EYA2: variants seen among roughly 807,000 people sequenced by gnomAD.
EYA2 encodes the protein EYA transcriptional coactivator and phosphatase 2.
EYA2 carries 31 observed loss-of-function variants against 69.2 expected under a neutral mutation model. That is an observed-to-expected ratio of 0.45 (90% CI 0.34 to 0.60). EYA2 has a LOEUF of 0.60. Among genes scored for constraint, EYA2 ranks in the 20% least tolerant of loss-of-function variants. The probability of loss-of-function intolerance (pLI) is 0.02; values close to 1 mark genes in which losing one functional copy is unlikely to be tolerated. For synonymous variants in EYA2, 257 were observed against 279.4 expected, an observed-to-expected ratio of 0.92 and a Z score of 0.80; for missense variants, 622 against 701.2, an observed-to-expected ratio of 0.89 and a Z score of 1.28.
chr20:47,113,386 C>T lies in EYA2; in HGVS notation c.888+16218C>T, dbSNP rs145211316. ...TCAGTCCCAGGAGAGAGGGGCTGAT[C>T]GGCTGTGCCTGGGACCTGTGCCCAC... On this transcript the variant is annotated intron_variant, in intron 9 of 15. Coordinates refer to ENST00000327619, the MANE Select transcript of EYA2 (RefSeq NM_005244.5). Among the ~76,000 whole-genome samples the T allele has an allele frequency of 1.5e-4, 23 of 152,298 alleles. No individual in the cohort carries two copies. In the East Asian group the frequency reaches 4.1e-3, roughly 27 times the overall value.
chr20:46,949,935 A>G (rs565880130), intron 1 of EYA2, among the ~76,000 whole-genome samples: 3 of 152,244 alleles, frequency 2.0e-5, no homozygotes, highest in South Asian at 4.2e-4. Context: ...TTTTGCATCT[A>G]TGATGCACAA....
chr20:47,079,962 C>G (rs1190219084), intron 7 of EYA2, among the ~76,000 whole-genome samples: 2 of 152,176 alleles, frequency 1.3e-5, no homozygotes, highest in Non-Finnish European at 2.9e-5. Flanking sequence ...AAAACAAGAT[C>G]TGGAGTGAAA....
chr20:46,991,288 G>A (rs1326602109), intron 2 of EYA2, among the ~76,000 whole-genome samples: 2 of 152,216 alleles, frequency 1.3e-5, no homozygotes, highest in Non-Finnish European at 2.9e-5. Flanking sequence ...GCTCAGGGGG[G>A]AATCCCAGCC....
intron 1 of EYA2, chr20:46,901,491 C>T (rs1292712030): frequency 6.6e-6 from 1 of 152,178 alleles, no homozygotes; most frequent in Non-Finnish European, 1.5e-5. Flanking sequence ...CCACCACGTC[C>T]TGAGTTTGGT....
intron 10 of EYA2, among the ~76,000 whole-genome samples, chr20:47,157,152 C>G (rs1479047964): frequency 6.6e-6 from 1 of 151,512 alleles, no homozygotes; most frequent in Non-Finnish European, 1.5e-5. Context: ...GTCAGGAGTT[C>G]GAGACCAGAC....
chr20:47,180,870 A>C lies in EYA2; in HGVS notation c.1369A>C (p.Lys457Gln). Residue 457 changes from lysine (K) to glutamine (Q), a missense_variant, in exon 14 of 16, where the codon AAA (lysine) becomes CAA (glutamine). By Grantham distance (53) the Lys-to-Gln change is moderately conservative. This residue lies in a region of EYA2 where 257 missense variants were observed against 351.5 expected (regional missense o/e 0.73). Coordinates refer to ENST00000327619, the MANE Select transcript of EYA2 (RefSeq NM_005244.5). Reference protein sequence around the residue: ...TTTQLIPALAKVLLYGLGSVF... With the variant: ...TTTQLIPALAQVLLYGLGSVF... The stretch of plus-strand genomic sequence containing the variant: ...CACTCAACTAATTCCTGCCCTGGCC[A>C]AAGTCCTGCTATATGGCCTGGGGTC... The C allele has an allele frequency of 6.2e-7, 1 of 1,614,220 alleles. No homozygotes were observed. The highest frequency in any genetic ancestry group is 8.5e-7 in the Non-Finnish European group (1 of 1,180,040).
rs545046646 is a variant in EYA2, at chr20:47,117,531, C to T, written c.888+20363C>T. 410 of 985,350 alleles carry T rather than the reference C, an allele frequency of 4.2e-4. 1 individual carries two copies. In the African/African-American group the frequency reaches 6.8e-3, roughly 16 times the overall value. 61.0% of individuals were successfully genotyped at this position (985,350 alleles called of 1,614,324 possible). On this transcript the variant is annotated intron_variant, in intron 9 of 15. Coordinates refer to ENST00000327619, the MANE Select transcript of EYA2 (RefSeq NM_005244.5). ...CTCCGCGGGTGTTATTACGTGATTC[C>T]GGCTTGGATTCCGGAATCCAGAACC...
At chr20:47,137,335 A>G (rs1406639373) in intron 9 of EYA2, among the ~76,000 whole-genome samples, 1 of 152,160 alleles carries the variant, frequency 6.6e-6, no homozygotes, top group African/African-American at 2.4e-5. Flanking sequence ...TAAAGGCTCA[A>G]GGAAGGGGAC....
chr20:47,049,691 G>C (rs1423896209), intron 5 of EYA2, among the ~76,000 whole-genome samples: 1 of 152,098 alleles, frequency 6.6e-6, no homozygotes, highest in African/African-American at 2.4e-5. Context: ...CTGAGCAGAT[G>C]CTGGCACCAT....
intron 10 of EYA2, among the ~76,000 whole-genome samples, chr20:47,143,901 T>G (rs2033650006): frequency 6.6e-6 from 1 of 152,182 alleles, no homozygotes; most frequent in Admixed American, 6.5e-5. Flanking sequence ...CACTTCCTGG[T>G]AGCCAAAGTA....
At chr20:47,100,026 TGG>T (rs2032380134) in intron 9 of EYA2, among the ~76,000 whole-genome samples, 1 of 147,978 alleles carries the variant, frequency 6.8e-6, no homozygotes, top group Non-Finnish European at 1.5e-5. Flanking sequence ...TGGTTTGGTT[TGG>T]TTTGGTTTGG....
chr20:47,112,211 G>A (rs183469248), intron 9 of EYA2, among the ~76,000 whole-genome samples: 62 of 152,240 alleles, frequency 4.1e-4, no homozygotes, highest in African/African-American at 1.4e-3. Flanking sequence ...GTGCGGTAAA[G>A]GTAGCAAGAA....
At chr20:47,019,777 C>G (rs1983634002) in intron 5 of EYA2, among the ~76,000 whole-genome samples, 1 of 149,318 alleles carries the variant, frequency 6.7e-6, no homozygotes, top group Admixed American at 6.7e-5. Context: ...CAAGACCAGC[C>G]TGGGAAACCT....
intron 1 of EYA2, among the ~76,000 whole-genome samples, chr20:46,971,653 CTG>C (rs1320345362): frequency 2.0e-5 from 3 of 152,214 alleles, no homozygotes; most frequent in Admixed American, 6.5e-5. Context: ...TGTACTCAAA[CTG>C]TGAATGATAA....
intron 8 of EYA2, among the ~76,000 whole-genome samples, chr20:47,091,596 A>G (rs947703067): frequency 6.7e-6 from 1 of 149,710 alleles, no homozygotes; most frequent in South Asian, 2.1e-4. Context: ...AAAAAAAAAA[A>G]AAGCCAGCCA....
intron 8 of EYA2, among the ~76,000 whole-genome samples, chr20:47,090,961 C>G (rs2032065912): frequency 6.6e-6 from 1 of 151,968 alleles, no homozygotes; most frequent in African/African-American, 2.4e-5. Flanking sequence ...TTGAAAAAGG[C>G]AGTCAGTTGC....
chr20:46,990,717 G>A (rs1981601354), intron 2 of EYA2, among the ~76,000 whole-genome samples: 1 of 152,224 alleles, frequency 6.6e-6, no homozygotes, highest in South Asian at 2.1e-4. Flanking sequence ...CTTGGAGTTA[G>A]CAAAAGGCAT....
intron 7 of EYA2, 130 bp from the exon 8 acceptor site, chr20:47,089,109 C>T (rs1039474194): frequency 1.1e-5 from 12 of 1,062,058 alleles, no homozygotes; most frequent in African/African-American, 4.8e-5. Flanking sequence ...TTTCATCCTA[C>T]GAGATCTTTG....
At chr20:47,039,133 G>GCACACA (rs1395545229) in intron 5 of EYA2, among the ~76,000 whole-genome samples, 1 of 150,930 alleles carries the variant, frequency 6.6e-6, no homozygotes, top group South Asian at 2.1e-4. Context: ...ACACACACAC[G>GCACACA]CGCGCACAAT....
Sources: allele counts gnomAD v4.1 joint callset (sites outside exome capture counted in the v4.1 genomes callset), GRCh38; gene constraint gnomAD v4.1.1; regional missense constraint gnomAD v4.1.1; transcripts MANE v1.5; gene names NCBI Gene and HGNC (gene_info 2026-07-23, HGNC 2026-07-21).